KALRN: variants seen among roughly 807,000 people sequenced by gnomAD.
The protein encoded by KALRN is kalirin RhoGEF kinase.
A neutral mutation model predicts 353.7 loss-of-function variants in KALRN; 70 were observed. The observed-to-expected ratio is 0.20, with a 90% CI of 0.16 to 0.24. The LOEUF is 0.24. Ranked by LOEUF, KALRN falls within the 10% of genes least tolerant of loss-of-function variation. KALRN has a pLI of 1.00. For synonymous variants in KALRN, 1,391 were observed against 1,434.8 expected, an observed-to-expected ratio of 0.97 and a Z score of 0.69; for missense variants, 2,791 against 3,756.7, an observed-to-expected ratio of 0.74 and a Z score of 6.72.
Position 124,334,494 on chromosome 3 carries a change from A to C in KALRN, c.1646A>C (p.Gln549Pro). ...TGCGTCTTCCAGCAGGATGTACAGC[A>C]GGTAACAGGCTCTGAGCCCCGGTGT... ...QLCVFQQDVQ[Q>P]VLDWIENHGE... The change falls in exon 9 of 60, where the codon CAG becomes CCG. Residue 549 changes from glutamine (Q) to proline (P), a missense_variant and splice_region_variant. This residue lies in a region of KALRN where 366 missense variants were observed against 489.2 expected (regional missense o/e 0.75). Transcript: ENST00000682506. This position sits in a 1 kb window ranked among gnomAD's most constrained non-coding sequence, Gnocchi z 4.2. 1 of 1,610,376 alleles carries C rather than the reference A, an allele frequency of 6.2e-7. No individual in the cohort carries two copies. The highest frequency in any genetic ancestry group is 8.5e-7 in the Non-Finnish European group (1 of 1,177,230).
At chr3:124,094,740 C>A in intron 1 of KALRN, 2 of 996,902 alleles carry the variant, frequency 2.0e-6, no homozygotes, top group Non-Finnish European at 3.2e-6. Flanking sequence ...AGGCTGTGTG[C>A]GAGCCCAGCG....
At chr3:124,475,626 C>T (rs1032074495) in intron 26 of KALRN, among the ~76,000 whole-genome samples, 5 of 152,222 alleles carry the variant, frequency 3.3e-5, no homozygotes, top group African/African-American at 1.2e-4. Context: ...ATGTTCTCAA[C>T]AGCCCTATGT....
chr3:124,201,620 G>A (rs1319172322), intron 1 of KALRN, among the ~76,000 whole-genome samples: 2 of 152,164 alleles, frequency 1.3e-5, no homozygotes, highest in African/African-American at 4.8e-5. Context: ...TGGCTATGCT[G>A]TGGTCTGTAC....
intron 1 of KALRN, among the ~76,000 whole-genome samples, chr3:124,173,494 G>C (rs956702658): frequency 9.9e-5 from 15 of 152,222 alleles, no homozygotes; most frequent in Non-Finnish European, 8.8e-5. Flanking sequence ...GGAATGTAGA[G>C]AGTCAACAAA....
At chr3:124,631,477 A>C (rs1340139506) in intron 34 of KALRN, among the ~76,000 whole-genome samples, 1 of 152,158 alleles carries the variant, frequency 6.6e-6, no homozygotes, top group East Asian at 1.9e-4. Flanking sequence ...TCCTAACCTC[A>C]GACCCAAAAC....
At chr3:124,496,006 T>TATATAC in intron 32 of KALRN, among the ~76,000 whole-genome samples, 2 of 54,970 alleles carry the variant, frequency 3.6e-5, no homozygotes, top group Non-Finnish European at 6.1e-5. Context: ...TATATATATA[T>TATATAC]ATATATACAC....
intron 33 of KALRN, among the ~76,000 whole-genome samples, chr3:124,550,629 CT>C (rs2070367362): frequency 6.6e-6 from 1 of 152,076 alleles, no homozygotes; most frequent in Non-Finnish European, 1.5e-5. Flanking sequence ...CCTCTAGTGG[CT>C]ACTTAGTGCC....
chr3:124,385,162 G>A (rs2088028956), intron 11 of KALRN, 126 bp downstream of exon 11: 1 of 728,226 alleles, frequency 1.4e-6, no homozygotes, highest in African/African-American at 1.8e-5. Context: ...TCCTAACTTT[G>A]GTAATATTAA....
intron 8 of KALRN, among the ~76,000 whole-genome samples, chr3:124,333,955 A>G (rs2080864561): frequency 2.0e-5 from 3 of 152,230 alleles, no homozygotes; most frequent in African/African-American, 7.2e-5. Flanking sequence ...TGTTTTGGGC[A>G]TTGGGGCGAG....
intron 34 of KALRN, among the ~76,000 whole-genome samples, chr3:124,580,484 C>T (rs1254838992): frequency 1.3e-5 from 2 of 152,150 alleles, no homozygotes; most frequent in Admixed American, 1.3e-4. Context: ...CTTATCAGCA[C>T]CAATGTTTTA....
At position 124,524,307 on chromosome 3, in the gene KALRN, A is replaced by T. The variant is rs553684012; in HGVS notation, c.4935+27894A>T. 3.9e-5 allele frequency among the ~76,000 whole-genome samples: 6 copies of T among 152,334 alleles called. No homozygotes were observed. In the South Asian group the frequency reaches 1.2e-3, roughly 32 times the overall value. On this transcript the variant is annotated intron_variant, in intron 33 of 59. Transcript: ENST00000682506. ...GGGGAAGAGAAAAGTGGGATGAGGA[A>T]GGAGAACTAGTCTGCGATTCTGAGT...
chr3:124,619,481 TC>T (rs370386744), intron 34 of KALRN, among the ~76,000 whole-genome samples: 4 of 112,788 alleles, frequency 3.5e-5, no homozygotes, highest in Non-Finnish European at 5.2e-5. Context: ...TTATTTTCCT[TC>T]TTTTTTTTTT....
intron 25 of KALRN, among the ~76,000 whole-genome samples, chr3:124,463,555 A>G (rs1356375694): frequency 1.3e-5 from 2 of 152,252 alleles, no homozygotes; most frequent in Non-Finnish European, 2.9e-5. Flanking sequence ...TGTGTGGCTA[A>G]TGAACACTTG....
chr3:124,235,382 G>A (rs1645305156), intron 3 of KALRN, among the ~76,000 whole-genome samples: 1 of 152,094 alleles, frequency 6.6e-6, no homozygotes, highest in African/African-American at 2.4e-5. Context: ...GGTGATTAGG[G>A]AAAAAAGATC....
At chr3:124,377,853 A>G (rs999961993) in intron 10 of KALRN, among the ~76,000 whole-genome samples, 2 of 152,078 alleles carry the variant, frequency 1.3e-5, no homozygotes, top group Non-Finnish European at 2.9e-5. Flanking sequence ...TCTGATATTA[A>G]TATAGCCACC....
chr3:124,351,273 CTTTG>C (rs571973170), intron 10 of KALRN, among the ~76,000 whole-genome samples: 2 of 152,196 alleles, frequency 1.3e-5, no homozygotes, highest in South Asian at 2.1e-4. Context: ...CACTCTTGTT[CTTTG>C]TTTGGGTTGC....
chr3:124,383,498 T>G (rs1178209430), intron 10 of KALRN, among the ~76,000 whole-genome samples: 1 of 152,230 alleles, frequency 6.6e-6, no homozygotes, highest in African/African-American at 2.4e-5. Flanking sequence ...TTAGCATTCT[T>G]AGCCTTGTAG....
chr3:124,480,316 T>C (rs527581635), intron 27 of KALRN, among the ~76,000 whole-genome samples: 2 of 152,248 alleles, frequency 1.3e-5, no homozygotes, highest in South Asian at 2.1e-4. Context: ...GGTGACAAAA[T>C]TGCTACTTTC....
At chr3:124,403,860 A>G (rs1470951701) in intron 13 of KALRN, among the ~76,000 whole-genome samples, 1 of 152,220 alleles carries the variant, frequency 6.6e-6, no homozygotes, top group Non-Finnish European at 1.5e-5. Context: ...CAATTTAAGA[A>G]TTCTATGATA....
Sources: gnomAD v4.1 joint callset for allele counts (sites outside exome capture counted in the v4.1 genomes callset) on GRCh38, gnomAD v4.1.1 for gene constraint, gnomAD v4.1.1 regional missense constraint, Gnocchi (gnomAD v3.1) non-coding constraint, MANE v1.5 for transcripts, NCBI Gene and HGNC (gene_info 2026-07-23, HGNC 2026-07-21) for gene names.